The following LRRD1 variants were observed in gnomAD, a reference collection of about 807,000 sequenced individuals.
LRRD1 encodes leucine rich repeats and death domain containing 1.
In LRRD1, 49 loss-of-function variants were observed where a neutral mutation model predicts 69.5. The observed-to-expected ratio is 0.70, with a 90% CI of 0.56 to 0.89. LRRD1 has a LOEUF of 0.89. Ranked by LOEUF, LRRD1 falls within the 40% of genes least tolerant of loss-of-function variation. The pLI is 0.00. For missense variants in LRRD1, 853 were observed against 956.0 expected (o/e 0.89, Z 1.42); for synonymous variants, 303 against 338.9 (o/e 0.89, Z 1.16).
intron 3 of LRRD1, among the ~76,000 whole-genome samples, chr7:92,156,791 G>A (rs1299615161): frequency 1.3e-5 from 2 of 151,928 alleles, no homozygotes; most frequent in Non-Finnish European, 2.9e-5. Context: ...GTGCTAGTTG[G>A]GATTCCAGTT....
At chr7:92,144,628 CAAAAAAAAAAA>C (rs61338977), downstream of LRRD1, among the ~76,000 whole-genome samples, 2 of 85,862 alleles carry the variant, frequency 2.3e-5, no homozygotes, top group African/African-American at 8.3e-5. Flanking sequence ...AACTCCATCT[CAAAAAAAAAAA>C]AAAAAAAAAA....
In LRRD1 at chr7:92,169,026, C is replaced by A. The variant is rs528572776; in HGVS notation, c.-74-3750G>T. ...CTCTGCCTCCTGGGTTCAAGCAATTCTTGTGCCTCAGTTTCCCAAGTAGCT... is the reference window on the plus strand; with the variant it reads ...CTCTGCCTCCTGGGTTCAAGCAATTATTGTGCCTCAGTTTCCCAAGTAGCT... On this transcript the variant is annotated intron_variant, in intron 1 of 5. Coordinates refer to ENST00000458448, the MANE Select transcript of LRRD1 (RefSeq NM_001161528.2). Among the ~76,000 whole-genome samples the A allele has an allele frequency of 1.4e-3, 215 of 152,270 alleles. 1 individual carries two copies. The highest frequency in any genetic ancestry group is 4.9e-3 in the African/African-American group (202 of 41,560).
At chr7:92,163,140 G>A in intron 2 of LRRD1, 146 bp downstream of exon 2, 2 of 437,394 alleles carry the variant, frequency 4.6e-6, no homozygotes, top group Admixed American at 8.4e-5. Flanking sequence ...ATGTTTGGCG[G>A]GGACGGGGAG....
At chr7:92,142,463 C>T, downstream of LRRD1, 3 of 456,756 alleles carry the variant, frequency 6.6e-6, no homozygotes, top group Non-Finnish European at 1.3e-5. Context: ...CATAACCTAC[C>T]CGCAGAAAGA....
intron 1 of LRRD1, chr7:92,178,741 T>G (rs1296353460): frequency 6.6e-6 from 1 of 152,210 alleles, no homozygotes; most frequent in Non-Finnish European, 1.5e-5. Context: ...TATATGCAAA[T>G]TATGTTTTAA....
At chr7:92,167,090 A>C (rs1189758371) in intron 1 of LRRD1, among the ~76,000 whole-genome samples, 1 of 150,928 alleles carries the variant, frequency 6.6e-6, no homozygotes, top group Non-Finnish European at 1.5e-5. Flanking sequence ...ACACAAGTCA[A>C]TTTTCTTTCT....
intron 5 of LRRD1, among the ~76,000 whole-genome samples, chr7:92,145,459 T>TA (rs1820297301): frequency 6.6e-6 from 1 of 151,040 alleles, no homozygotes; most frequent in Non-Finnish European, 1.5e-5. Flanking sequence ...TTTTTTTTTT[T>TA]TAGACAGAGT....
chr7:92,162,197 G>A (rs893541400), intron 2 of LRRD1, among the ~76,000 whole-genome samples: 6 of 152,190 alleles, frequency 3.9e-5, no homozygotes, highest in African/African-American at 1.4e-4. Context: ...TGTAGTATAT[G>A]ACAGCTGTTA....
chr7:92,163,781 G>A lies in LRRD1; in HGVS notation c.1422C>T (p.Asn474=), dbSNP rs1199043595. The change falls in exon 2 of 6, where the codon AAC becomes AAT. Residue 474 remains asparagine, a synonymous_variant. Transcript: ENST00000458448. ...QKIIKIELSY[N]KIMYFPLGLC... The stretch of plus-strand genomic sequence containing the variant: ...GTCCCAATGGAAAATACATTATTTT[G>A]TTATAACTCAATTCAATTTTAATTA... 2 of 1,506,464 alleles carry A rather than the reference G, an allele frequency of 1.3e-6. No homozygotes were observed. Among genetic ancestry groups the A allele is most frequent in the South Asian group, 1.3e-5 (1 of 76,440 alleles). The allele number at this position is 1,506,464 out of a possible 1,614,324, so 93.3% of individuals were successfully genotyped here. A position where few individuals can be genotyped will look rare whatever the true frequency, so the allele number is the denominator to read the frequency against.
chr7:92,146,514 G>A (rs1820327118), intron 4 of LRRD1, among the ~76,000 whole-genome samples: 1 of 152,074 alleles, frequency 6.6e-6, no homozygotes. Flanking sequence ...CTACTCGGGA[G>A]GCTGAGGCAG....
At position 92,150,588 on chromosome 7, in the gene LRRD1, C is replaced by A. The variant is rs1207507037; in HGVS notation, c.2224G>T (p.Gly742Ter). The A allele has an allele frequency of 1.3e-6, 2 of 1,551,580 alleles. No homozygotes were observed. The highest frequency in any genetic ancestry group is 1.7e-6 in the Non-Finnish European group (2 of 1,146,940). ...LLRPPVEICK[G>*]KQLYTIARYL... Reference sequence around the variant, plus strand: ...CGTGCAATAGTATACAACTGTTTTCCTTTACAGATTTCCACTGGAGGTCTC... The same window carrying A: ...CGTGCAATAGTATACAACTGTTTTCATTTACAGATTTCCACTGGAGGTCTC... The change falls in exon 4 of 6, where the codon GGA becomes TGA. Residue 742 changes from glycine (G) to a stop codon, truncating the protein, a stop_gained. Coordinates refer to ENST00000458448, the MANE Select transcript of LRRD1 (RefSeq NM_001161528.2). LOFTEE classifies it high-confidence loss of function.
chr7:92,163,022 C>G (rs371644396), intron 2 of LRRD1, among the ~76,000 whole-genome samples: 36 of 152,190 alleles, frequency 2.4e-4, no homozygotes, highest in African/African-American at 8.7e-4. Context: ...ACAATTACAC[C>G]AAAATAAAAA....
chr7:92,148,779 G>A (rs1053290150), intron 4 of LRRD1, among the ~76,000 whole-genome samples: 3 of 152,144 alleles, frequency 2.0e-5, no homozygotes, highest in African/African-American at 4.8e-5. Context: ...ACGGAGTCTC[G>A]CACTGTCACC....
chr7:92,175,073 AAAAC>A (rs552343706), intron 1 of LRRD1, among the ~76,000 whole-genome samples: 665 of 152,068 alleles, frequency 4.4e-3, no homozygotes, highest in Non-Finnish European at 7.6e-3. Flanking sequence ...CTCAAAAACA[AAAAC>A]AAAACACAAA....
At chr7:92,147,216 G>A (rs183774653) in intron 4 of LRRD1, among the ~76,000 whole-genome samples, 36 of 151,892 alleles carry the variant, frequency 2.4e-4, no homozygotes, top group Admixed American at 3.9e-4. Context: ...ACAGGCATGC[G>A]CCACCACACC....
rs568881649 is a variant in LRRD1, at chr7:92,165,617, T to G, written c.-74-341A>C. Among the ~76,000 whole-genome samples the G allele has an allele frequency of 4.6e-4, 70 of 152,068 alleles. 1 individual carries two copies. In the South Asian group the frequency reaches 6.9e-3, roughly 15 times the overall value. On this transcript the variant is annotated intron_variant, in intron 1 of 5. Coordinates refer to ENST00000458448, the MANE Select transcript of LRRD1 (RefSeq NM_001161528.2). ...GGCTCACACCTGTAATCCCAGCACT[T>G]TGGGAGGCCGAAGGGGCGGATCACT...
At chr7:92,162,072 T>C (rs2131004872) in intron 2 of LRRD1, among the ~76,000 whole-genome samples, 1 of 152,348 alleles carries the variant, frequency 6.6e-6, no homozygotes, top group African/African-American at 2.4e-5. Flanking sequence ...CTGATTATTA[T>C]ATTGCAGATA....
chr7:92,168,064 G>A (rs1198646136), intron 1 of LRRD1, among the ~76,000 whole-genome samples: 1 of 151,766 alleles, frequency 6.6e-6, no homozygotes, highest in Non-Finnish European at 1.5e-5. Flanking sequence ...ACAGGGCCAC[G>A]ATTATTACCA....
Position 92,165,046 on chromosome 7 carries a change from TAGA to T in LRRD1, c.154_156del (p.Ser52del), listed in dbSNP as rs1436920481. 1.3e-6 allele frequency: 2 copies of T among 1,551,506 alleles called. No homozygotes were observed. The highest frequency in any genetic ancestry group is 1.2e-5 in the South Asian group (1 of 84,054). ...CTAGGATGTGTTTCATAAATCTGGT[TAGA>T]AGATTTCCCTTCCAGGTAATCAGAA... On this transcript the variant is annotated inframe_deletion, in exon 2 of 6. Coordinates refer to ENST00000458448, the MANE Select transcript of LRRD1 (RefSeq NM_001161528.2).
Sources: allele counts gnomAD v4.1 joint callset (sites outside exome capture counted in the v4.1 genomes callset), GRCh38; gene constraint gnomAD v4.1.1; transcripts MANE v1.5; gene names NCBI Gene and HGNC (gene_info 2026-07-23, HGNC 2026-07-21).